Variants in MUC13 observed in about 807,000 individuals in gnomAD.
MUC13 encodes mucin 13, cell surface associated, also known as mucin-13.
MUC13 carries 32 observed loss-of-function variants against 48.3 expected under a neutral mutation model. That is an observed-to-expected ratio of 0.66 (90% CI 0.50 to 0.89). The LOEUF (loss-of-function observed/expected upper bound fraction) is 0.89. Ranked by LOEUF, MUC13 falls within the 40% of genes least tolerant of loss-of-function variation. The pLI is 0.00. For synonymous variants in MUC13, 199 were observed against 224.9 expected (o/e 0.88, Z 1.03); for missense variants, 571 against 622.8 (o/e 0.92, Z 0.88).
At chr3:124,923,324 T>A (rs1328629514) in intron 3 of MUC13, among the ~76,000 whole-genome samples, 3 of 152,230 alleles carry the variant, frequency 2.0e-5, no homozygotes, top group African/African-American at 7.2e-5. Flanking sequence ...GTTGCTGGAC[T>A]GTGTGGTCTT....
At chr3:124,929,811 A>G (rs1389518800) in intron 1 of MUC13, among the ~76,000 whole-genome samples, 1 of 152,254 alleles carries the variant, frequency 6.6e-6, no homozygotes, top group East Asian at 1.9e-4. Context: ...TGAGATGACA[A>G]TGTCCTAACT....
chr3:124,907,643 CTT>C lies in MUC13; in HGVS notation c.*502_*503del, dbSNP rs1935338549. ...AAAACAACAACAACAACAAATAGAA[CTT>C]ATATATATATATAGAGAGAGAGAGA... On this transcript the variant is annotated intron_variant, in intron 11 of 11. Coordinates refer to ENST00000616727, the MANE Select transcript of MUC13 (RefSeq NM_033049.4). Among the ~76,000 whole-genome samples the C allele has an allele frequency of 4.1e-5, 4 of 96,622 alleles. No homozygotes were observed. The Admixed American group carries it at 4.9e-4, about 12-fold the overall frequency. 63.4% of individuals were successfully genotyped at this position (96,622 alleles called of 152,430 possible).
intron 6 of MUC13, among the ~76,000 whole-genome samples, chr3:124,915,124 G>A (rs1935489397): frequency 1.3e-5 from 2 of 152,296 alleles, no homozygotes; most frequent in South Asian, 4.1e-4. Context: ...CTCAACAGAG[G>A]ATTCTGGATT....
In MUC13 at chr3:124,923,669, G is replaced by T. The variant is rs755782266; in HGVS notation, c.515-20C>A. 1 of 1,602,188 alleles carries T rather than the reference G, an allele frequency of 6.2e-7. No individual in the cohort carries two copies. The highest frequency in any genetic ancestry group is 8.5e-7 in the Non-Finnish European group (1 of 1,176,466). On this transcript the variant is annotated intron_variant, in intron 2 of 11. Transcript: ENST00000616727. Reference sequence around the variant, plus strand: ...TGGGACCTTAGATGGAGTAGAAAGAGATTAGAAATCCAGAGAAATGACAAT... The same window carrying T: ...TGGGACCTTAGATGGAGTAGAAAGATATTAGAAATCCAGAGAAATGACAAT...
intron 1 of MUC13, among the ~76,000 whole-genome samples, chr3:124,928,980 A>G (rs1162693608): frequency 6.6e-6 from 1 of 152,226 alleles, no homozygotes; most frequent in African/African-American, 2.4e-5. Context: ...TACTTCTTCC[A>G]AAATTTTATT....
At chr3:124,914,263 C>A (rs866697299) in intron 6 of MUC13, among the ~76,000 whole-genome samples, 2 of 151,338 alleles carry the variant, frequency 1.3e-5, no homozygotes, top group Non-Finnish European at 2.9e-5. Flanking sequence ...TACAAAAATT[C>A]GCTGGGTGTG....
In MUC13 at chr3:124,927,571, C is replaced by T. The variant is rs979607011; in HGVS notation, c.475G>A (p.Gly159Ser). 2.5e-6 allele frequency: 4 copies of T among 1,614,192 alleles called. No homozygotes were observed. Among genetic ancestry groups the T allele is most frequent in the Non-Finnish European group, 3.4e-6 (4 of 1,180,032 alleles). ...EDNQSSGPPTGTALLETSTLN... is the reference protein window; with the variant it reads ...EDNQSSGPPTSTALLETSTLN... ...GTGCTGGTCTCCAATAAAGCGGTGC[C>T]AGTGGGAGGCCCTGATGATTGATTG... The change falls in exon 2 of 12, where the codon GGC becomes AGC. Residue 159 changes from glycine to serine, a missense_variant. Transcript: ENST00000616727.
chr3:124,927,231 G>A (rs1483698274), intron 2 of MUC13, among the ~76,000 whole-genome samples: 1 of 152,046 alleles, frequency 6.6e-6, no homozygotes, highest in African/African-American at 2.4e-5. Flanking sequence ...ATCCCCTAGG[G>A]AGAGGAAAGC....
At position 124,910,434 on chromosome 3, in the gene MUC13, C is replaced by A. The variant is rs770627565; in HGVS notation, c.1318G>T (p.Ala440Ser). Reference sequence around the variant, plus strand: ...CCATACCTTGCTGTGACAATCAATGCAATTATCATGCTGAGAATGACAATG... The same window carrying A: ...CCATACCTTGCTGTGACAATCAATGAAATTATCATGCTGAGAATGACAATG... The part of the protein sequence containing the change: ...AGIVILSMII[A>S]LIVTARSNNK... The change falls in exon 10 of 12, where the codon GCA (alanine) becomes TCA (serine). Residue 440 changes from alanine to serine, a missense_variant. Ala to Ser is a moderately conservative substitution (Grantham distance 99). Coordinates refer to ENST00000616727, the MANE Select transcript of MUC13 (RefSeq NM_033049.4). The A allele has an allele frequency of 6.2e-7, 1 of 1,613,930 alleles. No individual in the cohort carries two copies. The highest frequency in any genetic ancestry group is 1.1e-5 in the South Asian group (1 of 91,066).
At chr3:124,920,097 C>T (rs1935569944) in intron 5 of MUC13, 137 bp downstream of exon 5, 1 of 780,486 alleles carries the variant, frequency 1.3e-6, no homozygotes, top group Admixed American at 2.4e-5. Flanking sequence ...CTTTGCAGTG[C>T]TCAGACTGAG....
intron 4 of MUC13, among the ~76,000 whole-genome samples, chr3:124,921,296 C>T (rs1199487038): frequency 6.6e-6 from 1 of 151,992 alleles, no homozygotes; most frequent in Non-Finnish European, 1.5e-5. Context: ...ATTACAGGCG[C>T]CTGCCACCAC....
At chr3:124,910,802 A>G (rs1935408544) in intron 9 of MUC13, among the ~76,000 whole-genome samples, 1 of 152,192 alleles carries the variant, frequency 6.6e-6, no homozygotes, top group Admixed American at 6.5e-5. Context: ...GCTGAGGGCC[A>G]CACCTCCCTC....
chr3:124,925,794 C>T (rs1474821679), intron 2 of MUC13, among the ~76,000 whole-genome samples: 1 of 151,990 alleles, frequency 6.6e-6, no homozygotes, highest in African/African-American at 2.4e-5. Flanking sequence ...TTGTATTTTT[C>T]TGTAGAGATG....
chr3:124,916,541 A>T, intron 5 of MUC13, 61 bp from the exon 6 acceptor site: 1 of 1,513,720 alleles, frequency 6.6e-7, no homozygotes, highest in South Asian at 1.2e-5. Context: ...AAATAATTCT[A>T]ATCTCCCAGA....
intron 6 of MUC13, among the ~76,000 whole-genome samples, chr3:124,914,343 G>A (rs940504798): frequency 3.9e-5 from 6 of 152,048 alleles, no homozygotes; most frequent in African/African-American, 1.4e-4. Context: ...CTAGGAGGCG[G>A]AGGTTGCAGT....
chr3:124,919,510 G>A (rs927160331), intron 5 of MUC13, among the ~76,000 whole-genome samples: 16 of 151,968 alleles, frequency 1.1e-4, no homozygotes, highest in African/African-American at 3.9e-4. Flanking sequence ...ATTTGATATG[G>A]CTTATAAGGA....
At chr3:124,930,009 G>A (rs762157038) in intron 1 of MUC13, among the ~76,000 whole-genome samples, 5 of 152,202 alleles carry the variant, frequency 3.3e-5, no homozygotes, top group African/African-American at 4.8e-5. Flanking sequence ...GCTGGCTCTC[G>A]CTGTGGAAAA....
intron 6 of MUC13, 132 bp downstream of exon 6, chr3:124,916,185 A>T (rs1935508201): frequency 1.4e-6 from 1 of 715,622 alleles, no homozygotes; most frequent in African/African-American, 1.8e-5. Flanking sequence ...AGAATTGGAT[A>T]AAAAGAAATT....
At chr3:124,924,101 A>G (rs929317440) in intron 2 of MUC13, among the ~76,000 whole-genome samples, 5 of 152,230 alleles carry the variant, frequency 3.3e-5, no homozygotes, top group East Asian at 1.9e-4. Context: ...AAGCTCCAAA[A>G]GAAACTAGAT....
Sources: gnomAD v4.1 joint callset for allele counts (sites outside exome capture counted in the v4.1 genomes callset) on GRCh38, gnomAD v4.1.1 for gene constraint, MANE v1.5 for transcripts, NCBI Gene and HGNC (gene_info 2026-07-23, HGNC 2026-07-21) for gene names.